The following ATAD2B variants were observed in gnomAD, a reference collection of about 807,000 sequenced individuals.
ATAD2B encodes ATPase family AAA domain containing 2B.
In ATAD2B, 40 loss-of-function variants were observed where a neutral mutation model predicts 167.6. That is an observed-to-expected ratio of 0.24 (90% CI 0.19 to 0.31). The LOEUF is 0.31. ATAD2B is among the 10% of genes least tolerant of loss of function. The pLI, the probability that ATAD2B is intolerant of heterozygous loss-of-function variation, is 1.00. For missense variants in ATAD2B, 1,242 were observed against 1,757.2 expected (o/e 0.71, Z 5.24); for synonymous variants, 579 against 596.5 (o/e 0.97, Z 0.43).
the ATAD2B span, chr2:23,708,702 T>C: frequency 5.9e-5 from 9 of 152,190 alleles, no homozygotes; most frequent in Non-Finnish European, 1.0e-4. Context: ...GGTTCTCTTA[T>C]AGACTTTAGT....
chr2:23,850,412 T>C (rs1460014755), intron 13 of ATAD2B, among the ~76,000 whole-genome samples: 1 of 152,104 alleles, frequency 6.6e-6, no homozygotes, highest in Non-Finnish European at 1.5e-5. Context: ...CAGGTGTCAA[T>C]GCCTATATTA....
intron 13 of ATAD2B, among the ~76,000 whole-genome samples, chr2:23,840,404 G>GT (rs1413837391): frequency 6.6e-6 from 1 of 151,920 alleles, no homozygotes; most frequent in Non-Finnish European, 1.5e-5. Flanking sequence ...AACTTTATTA[G>GT]TTTTTTTCAA....
intron 24 of ATAD2B, among the ~76,000 whole-genome samples, chr2:23,759,304 TA>T (rs1459403697): frequency 6.6e-6 from 1 of 152,180 alleles, no homozygotes; most frequent in South Asian, 2.1e-4. Flanking sequence ...TGGGCAAAGA[TA>T]TTTTTTAAAG....
At chr2:23,762,371 C>A in intron 23 of ATAD2B, 25 bp from the exon 24 acceptor site, 1 of 1,594,948 alleles carries the variant, frequency 6.3e-7, no homozygotes, top group South Asian at 1.1e-5. Flanking sequence ...TAAGCAATAC[C>A]TCTTTAAATA....
In ATAD2B at chr2:23,751,721, GA is replaced by G. The variant is rs1675372882; in HGVS notation, c.*324del. On this transcript the variant is annotated 3_prime_UTR_variant, in exon 28 of 28. Transcript: ENST00000238789. Reference sequence around the variant, plus strand: ...TCCTGTTTGCTGGTCTGCTCCCTAAGAGAGGAGTCTCCAAAAGAGAGTGCAC... The same window carrying G: ...TCCTGTTTGCTGGTCTGCTCCCTAAGGAGGAGTCTCCAAAAGAGAGTGCAC... The G allele has an allele frequency of 1.2e-5, 4 of 321,114 alleles. No homozygotes were observed. The highest frequency in any genetic ancestry group is 1.0e-4 in the Admixed American group (2 of 19,746). The allele number at this position is 321,114 out of a possible 1,614,324, so 19.9% of individuals were successfully genotyped here.
At chr2:23,715,432 G>C in the ATAD2B span, among the ~76,000 whole-genome samples, 1 of 152,166 alleles carries the variant, frequency 6.6e-6, no homozygotes, top group Non-Finnish European at 1.5e-5. Flanking sequence ...AAATTAGCCA[G>C]GCATGGTGGC....
chr2:23,863,979 T>G (rs1694788906), intron 11 of ATAD2B, among the ~76,000 whole-genome samples: 1 of 151,920 alleles, frequency 6.6e-6, no homozygotes, highest in African/African-American at 2.4e-5. Context: ...CAGACATTTA[T>G]CAGTTTAAAT....
At chr2:23,857,714 C>T (rs1338310640) in intron 12 of ATAD2B, among the ~76,000 whole-genome samples, 9 of 150,166 alleles carry the variant, frequency 6.0e-5, no homozygotes, top group African/African-American at 2.0e-4. Context: ...TTCTTCCATA[C>T]ATACTTATAC....
chr2:23,691,626 C>T, the ATAD2B span: 9 of 1,485,474 alleles, frequency 6.1e-6, no homozygotes, highest in South Asian at 1.2e-5. Context: ...GGAAGCGGCA[C>T]GGTGGCCGCA....
intron 1 of ATAD2B, among the ~76,000 whole-genome samples, chr2:23,922,798 C>A (rs1343697568): frequency 6.6e-6 from 1 of 150,828 alleles, no homozygotes; most frequent in African/African-American, 2.4e-5. Flanking sequence ...CAAATCAAAA[C>A]CACAATGAGA....
At chr2:23,886,201 C>T (rs1020911656) in intron 4 of ATAD2B, among the ~76,000 whole-genome samples, 5 of 152,152 alleles carry the variant, frequency 3.3e-5, no homozygotes, top group African/African-American at 1.2e-4. Context: ...TCATCTCAGC[C>T]TCCCAAAGTG....
the ATAD2B span, among the ~76,000 whole-genome samples, chr2:23,694,184 T>G: frequency 1.3e-5 from 2 of 152,338 alleles, no homozygotes; most frequent in Middle Eastern, 3.4e-3. Flanking sequence ...CAGAATGTCC[T>G]GCAGATCCGT....
At chr2:23,882,165 G>A (rs1163359579) in intron 6 of ATAD2B, among the ~76,000 whole-genome samples, 1 of 152,020 alleles carries the variant, frequency 6.6e-6, no homozygotes, top group Non-Finnish European at 1.5e-5. Context: ...TTTGAGTTCA[G>A]CCTGGGGCAA....
the ATAD2B span, among the ~76,000 whole-genome samples, chr2:23,709,562 T>TGGCC: frequency 6.6e-6 from 1 of 151,678 alleles, no homozygotes; most frequent in Admixed American, 6.6e-5. Context: ...GAAAGCATAT[T>TGGCC]GGCCAGCTTT....
the ATAD2B span, among the ~76,000 whole-genome samples, chr2:23,709,203 G>T: frequency 6.6e-6 from 1 of 151,984 alleles, no homozygotes; most frequent in Non-Finnish European, 1.5e-5. Context: ...CACCACACCC[G>T]GCTAATTTTG....
chr2:23,821,773 T>C (rs1007525870), intron 16 of ATAD2B, among the ~76,000 whole-genome samples: 2 of 152,190 alleles, frequency 1.3e-5, no homozygotes, highest in Non-Finnish European at 2.9e-5. Flanking sequence ...AATTTTTAAA[T>C]GTTTTTCCTG....
chr2:23,863,695 A>C lies in ATAD2B; in HGVS notation c.1305-140T>G, dbSNP rs1262154205. On this transcript the variant is annotated intron_variant, in intron 11 of 27. Coordinates refer to ENST00000238789, the MANE Select transcript of ATAD2B (RefSeq NM_017552.4). ...ACATTGATAAAGCTTTTTCCAGGAT[A>C]TAGACAAAAGTTTTACTTTGCTAAG... 5 of 812,530 alleles carry C rather than the reference A, an allele frequency of 6.2e-6. No homozygotes were observed. The East Asian group carries it at 1.4e-4, about 23-fold the overall frequency. 50.3% of individuals were successfully genotyped at this position (812,530 alleles called of 1,614,324 possible).
chr2:23,741,885 T>C, the ATAD2B span, among the ~76,000 whole-genome samples: 1 of 152,090 alleles, frequency 6.6e-6, no homozygotes, highest in Non-Finnish European at 1.5e-5. Flanking sequence ...CATCAAAAAG[T>C]GGGCGAAGAA....
At chr2:23,730,494 G>A in the ATAD2B span, among the ~76,000 whole-genome samples, 4 of 151,088 alleles carry the variant, frequency 2.6e-5, no homozygotes, top group East Asian at 1.9e-4. Context: ...GTGAAACCCC[G>A]TCTCTACTAA....
Sources: gnomAD v4.1 joint callset for allele counts (sites outside exome capture counted in the v4.1 genomes callset) on GRCh38, gnomAD v4.1.1 for gene constraint, MANE v1.5 for transcripts, NCBI Gene and HGNC (gene_info 2026-07-23, HGNC 2026-07-21) for gene names.